The following PML variants were observed in gnomAD, a reference collection of about 807,000 sequenced individuals.
The protein encoded by PML is protein PML.
In PML, 28 loss-of-function variants were observed where a neutral mutation model predicts 65.2. The observed-to-expected ratio is 0.43, with a 90% confidence interval of 0.32 to 0.59. PML has a LOEUF of 0.59. Among genes scored for constraint, PML ranks in the 20% least tolerant of loss-of-function variants. PML has a pLI of 0.08. For synonymous variants in PML, 500 were observed against 508.8 expected (o/e 0.98, Z 0.23); for missense variants, 1,021 against 1,203.4 (o/e 0.85, Z 2.24).
In PML at chr15:74,045,330, C is replaced by T. The variant is rs1219391841; in HGVS notation, c.*322C>T. ...CTAGGTGGCCCTGGTCTTGCCCCAT[C>T]CATCCCACCTGCCACTACCTTGGGT... is the stretch of plus-strand genomic sequence containing the variant. On this transcript the variant is annotated 3_prime_UTR_variant, in exon 9 of 9. Transcript: ENST00000268058. 1 of 382,184 alleles carries T rather than the reference C, an allele frequency of 2.6e-6. No homozygotes were observed. The highest frequency in any genetic ancestry group is 4.3e-5 in the East Asian group (1 of 23,066). The allele number at this position is 382,184 out of a possible 1,614,324, so 23.7% of individuals were successfully genotyped here.
intron 3 of PML, 99 bp downstream of exon 3, chr15:74,023,507 C>T (rs754204618): frequency 2.6e-5 from 26 of 990,720 alleles, no homozygotes; most frequent in Admixed American, 2.0e-4. Context: ...GAAAAGAAAA[C>T]TGGGTGTTTA....
Position 74,023,079 on chromosome 15 carries a change from A to G in PML, c.854A>G (p.Gln285Arg), listed in dbSNP as rs1478151792. ...GAGCTGATCCGCGAGCGCGTGCGCC[A>G]GGTGGTAGCTCACGTGCGGGCTCAG... ...TEELIRERVRQVVAHVRAQER... is the reference protein window; with the variant it reads ...TEELIRERVRRVVAHVRAQER... Residue 285 changes from glutamine (Q) to arginine (R), a missense_variant, in exon 3 of 9, where the codon CAG becomes CGG. Coordinates refer to ENST00000268058, the MANE Select transcript of PML (RefSeq NM_033238.3). The G allele has an allele frequency of 6.2e-7, 1 of 1,603,020 alleles. No homozygotes were observed. Among genetic ancestry groups the G allele is most frequent in the Admixed American group, 1.7e-5 (1 of 59,876 alleles).
At chr15:74,027,634 A>G (rs2071139893) in intron 4 of PML, 1 of 152,242 alleles carries the variant, frequency 6.6e-6, no homozygotes, top group African/African-American at 2.4e-5. Flanking sequence ...TCCAGATGCT[A>G]GTCATTGGTG....
At chr15:74,031,271 TTTA>T (rs763233366) in intron 4 of PML, 9 of 443,600 alleles carry the variant, frequency 2.0e-5, no homozygotes, top group South Asian at 3.2e-5. Context: ...TTTAAAAAAA[TTTA>T]TTATTATTAT....
chr15:74,001,498 C>G (rs2069760462), intron 2 of PML, among the ~76,000 whole-genome samples: 1 of 152,060 alleles, frequency 6.6e-6, no homozygotes, highest in Non-Finnish European at 1.5e-5. Context: ...CACCACCATG[C>G]CTGGCTAATT....
At chr15:74,002,023 T>C (rs528766777) in intron 2 of PML, among the ~76,000 whole-genome samples, 34 of 151,398 alleles carry the variant, frequency 2.2e-4, no homozygotes, top group African/African-American at 7.8e-4. Flanking sequence ...AAAAAAGAAA[T>C]TTTTTTCTCT....
chr15:74,020,429 A>C (rs1345805967), intron 2 of PML, among the ~76,000 whole-genome samples: 1 of 151,164 alleles, frequency 6.6e-6, no homozygotes, highest in African/African-American at 2.4e-5. Context: ...AGCTGGGATT[A>C]CAGGCGCACA....
At chr15:74,005,537 A>G (rs1032165885) in intron 2 of PML, among the ~76,000 whole-genome samples, 1 of 149,138 alleles carries the variant, frequency 6.7e-6, no homozygotes, top group African/African-American at 2.5e-5. Context: ...CGCTGACTCC[A>G]TTCTTCTATC....
rs769338190 is a variant in PML, at chr15:74,044,961, C to T, written c.2602C>T (p.Pro868Ser). The part of the protein sequence containing the change: ...ALARAEGVST[P>S]LAGRGLAERA... Reference sequence around the variant, plus strand: ...GGCACGGGCAGAAGGAGTCTCCACCCCACTTGCTGGCCGTGGCTTGGCAGA... The same window carrying T: ...GGCACGGGCAGAAGGAGTCTCCACCTCACTTGCTGGCCGTGGCTTGGCAGA... The change falls in exon 9 of 9, where the codon CCA (proline) becomes TCA (serine). Residue 868 changes from proline (P) to serine (S), a missense_variant. Pro to Ser is a moderately conservative substitution (Grantham distance 74, BLOSUM62 -1). Coordinates refer to ENST00000268058, the MANE Select transcript of PML (RefSeq NM_033238.3). The T allele has an allele frequency of 1.2e-6, 2 of 1,610,948 alleles. No homozygotes were observed. Among genetic ancestry groups the T allele is most frequent in the Non-Finnish European group, 1.7e-6 (2 of 1,179,010 alleles).
chr15:74,021,223 T>C (rs1567128454), intron 2 of PML, among the ~76,000 whole-genome samples: 2 of 152,176 alleles, frequency 1.3e-5, no homozygotes, highest in African/African-American at 2.4e-5. Context: ...ATTGAATGAG[T>C]AAATATTTGC....
intron 2 of PML, among the ~76,000 whole-genome samples, chr15:74,002,555 T>C (rs2069823599): frequency 6.7e-6 from 1 of 149,392 alleles, no homozygotes; most frequent in African/African-American, 2.4e-5. Flanking sequence ...GTGTTTCTCC[T>C]GCCTCAGCCT....
intron 2 of PML, among the ~76,000 whole-genome samples, chr15:74,009,241 G>C (rs2070211334): frequency 6.6e-6 from 1 of 152,234 alleles, no homozygotes; most frequent in African/African-American, 2.4e-5. Flanking sequence ...GAAAGAGCTT[G>C]AATTATCATT....
chr15:74,014,329 T>G (rs2070465037), intron 2 of PML, among the ~76,000 whole-genome samples: 1 of 151,962 alleles, frequency 6.6e-6, no homozygotes, highest in African/African-American at 2.4e-5. Flanking sequence ...TGGTACTTAG[T>G]AATTTTGGGG....
In PML at chr15:74,043,352, T is replaced by A; in HGVS notation, c.1861+213T>A. 1 of 1,444,700 alleles carries A rather than the reference T, an allele frequency of 6.9e-7. No individual in the cohort carries two copies. Among genetic ancestry groups the A allele is most frequent in the Non-Finnish European group, 9.0e-7 (1 of 1,106,614 alleles). 89.5% of individuals were successfully genotyped at this position (1,444,700 alleles called of 1,614,324 possible). The stretch of plus-strand genomic sequence containing the variant: ...ATGTCCGCCTTATCCAGTGCCTGAG[T>A]GTGCGAGAGAGGCAGATGCCTCCAC... On this transcript the variant is annotated intron_variant, in intron 8 of 8. Transcript: ENST00000268058. This position sits in a 1 kb window ranked among gnomAD's most constrained non-coding sequence, Gnocchi z 4.3.
At chr15:74,040,199 G>T (rs910462186) in intron 7 of PML, among the ~76,000 whole-genome samples, 1 of 152,160 alleles carries the variant, frequency 6.6e-6, no homozygotes, top group Non-Finnish European at 1.5e-5. Context: ...TGCATCTTTT[G>T]AAAGAACATT....
Position 74,023,357 on chromosome 15 carries a change from G to A in PML, c.1132G>A (p.Glu378Lys), listed in dbSNP as rs371413149. 1.2e-5 allele frequency: 19 copies of A among 1,602,082 alleles called. No homozygotes were observed. The highest frequency in any genetic ancestry group is 1.4e-5 in the Non-Finnish European group (17 of 1,179,926). ...QAAVRTDGFD[E>K]FKVRLQDLSS... ...TGCCGTGCGCACCGATGGCTTCGAC[G>A]AGTTCAAGGTGCGCCTGCAGGACCT... Residue 378 changes from glutamate (E) to lysine (K), a missense_variant, in exon 3 of 9, where the codon GAG (glutamate) becomes AAG (lysine). Coordinates refer to ENST00000268058, the MANE Select transcript of PML (RefSeq NM_033238.3).
In PML at chr15:74,045,165, CT is replaced by C. The variant is rs1362907123; in HGVS notation, c.*159del. 3.0e-6 allele frequency: 2 copies of C among 675,910 alleles called. No individual in the cohort carries two copies. Among genetic ancestry groups the C allele is most frequent in the African/African-American group, 1.8e-5 (1 of 55,364 alleles). 41.9% of individuals were successfully genotyped at this position (675,910 alleles called of 1,614,324 possible). A position where few individuals can be genotyped will look rare whatever the true frequency, so the allele number is the denominator to read the frequency against. On this transcript the variant is annotated 3_prime_UTR_variant, in exon 9 of 9. Transcript: ENST00000268058. Reference sequence around the variant, plus strand: ...TCCCTTTCTCTGGGACCAAATTTCCCTTCTCTAAACATCCTACAGAGAAGGT... The same window carrying C: ...TCCCTTTCTCTGGGACCAAATTTCCCTCTCTAAACATCCTACAGAGAAGGT...
chr15:74,000,607 C>T lies in PML; in HGVS notation c.602+2131C>T, dbSNP rs2069716994. Among the ~76,000 whole-genome samples, 4 of 152,138 alleles carry T rather than the reference C, an allele frequency of 2.6e-5. No individual in the cohort carries two copies. The South Asian group carries it at 8.3e-4, about 32-fold the overall frequency. On this transcript the variant is annotated intron_variant, in intron 2 of 8. Transcript: ENST00000268058. ...ACAGGTGTGAGCCACTGTACCCATC[C>T]CCTCCTGTATACTTTAAGTCATCTC...
rs113472897 is a variant in PML, at chr15:74,037,067, G to A, written c.1710+2537G>A. Reference sequence around the variant, plus strand: ...GCCTCTGTGCTGCCACCTGGAGACCGAGATCTGCAGGAGAAAGGCCTGGGA... The same window carrying A: ...GCCTCTGTGCTGCCACCTGGAGACCAAGATCTGCAGGAGAAAGGCCTGGGA... On this transcript the variant is annotated intron_variant, in intron 7 of 8. Transcript: ENST00000268058. The surrounding 1 kb of genome is among the most constrained non-coding windows in gnomAD (Gnocchi z 4.2). 7.1e-6 allele frequency: 7 copies of A among 985,436 alleles called. No individual in the cohort carries two copies. Among genetic ancestry groups the A allele is most frequent in the Middle Eastern group, 5.2e-4 (1 of 1,914 alleles). 61.0% of individuals were successfully genotyped at this position (985,436 alleles called of 1,614,324 possible).
Sources: allele counts gnomAD v4.1 joint callset (sites outside exome capture counted in the v4.1 genomes callset), GRCh38; gene constraint gnomAD v4.1.1; non-coding constraint Gnocchi (gnomAD v3.1); transcripts MANE v1.5; gene names NCBI Gene and HGNC (gene_info 2026-07-23, HGNC 2026-07-21).